HS3ST4: variants seen among roughly 807,000 people sequenced by gnomAD.
The protein encoded by HS3ST4 is heparan sulfate glucosamine 3-O-sulfotransferase 4.
HS3ST4 carries 17 observed loss-of-function variants against 29.2 expected under a neutral mutation model. The observed-to-expected ratio is 0.58, with a 90% CI of 0.40 to 0.87. HS3ST4 has a LOEUF of 0.87. Among genes scored for constraint, HS3ST4 ranks in the 40% least tolerant of loss-of-function variants. The probability of loss-of-function intolerance (pLI) is 0.00; values close to 1 mark genes in which losing one functional copy is unlikely to be tolerated. For synonymous variants in HS3ST4, 314 were observed against 285.7 expected, an observed-to-expected ratio of 1.10 and a Z score of -1.00; for missense variants, 627 against 634.5, an observed-to-expected ratio of 0.99 and a Z score of 0.13.
intron 1 of HS3ST4, among the ~76,000 whole-genome samples, chr16:26,067,955 C>T (rs941065141): frequency 1.3e-5 from 2 of 152,126 alleles, no homozygotes; most frequent in Non-Finnish European, 2.9e-5. Flanking sequence ...CCGTCCCAGC[C>T]GTGTGGAACT....
intron 1 of HS3ST4, among the ~76,000 whole-genome samples, chr16:26,081,838 C>T (rs765642206): frequency 5.3e-5 from 7 of 133,064 alleles, no homozygotes; most frequent in Non-Finnish European, 1.1e-4. Context: ...TCTTGTTGCC[C>T]AGGTTGGAGT....
chr16:25,928,035 C>CAA (rs767016845), intron 1 of HS3ST4, among the ~76,000 whole-genome samples: 4,974 of 50,766 alleles, frequency 0.098, 440 homozygotes, highest in African/African-American at 0.12. Flanking sequence ...CCCATCTCGA[C>CAA]AAAAAAAAAA....
chr16:25,693,756 G>C (rs879305786), intron 1 of HS3ST4, among the ~76,000 whole-genome samples: 4 of 152,174 alleles, frequency 2.6e-5, no homozygotes, highest in African/African-American at 9.6e-5. Flanking sequence ...TGAGCACGGA[G>C]TTGATTTTGC....
chr16:26,029,003 T>C (rs1307032475), intron 1 of HS3ST4: 1 of 152,280 alleles, frequency 6.6e-6, no homozygotes, highest in Non-Finnish European at 1.5e-5. Flanking sequence ...GATGGGAGAA[T>C]ATGGGTTTTG....
At chr16:25,882,770 T>G (rs1041411030) in intron 1 of HS3ST4, among the ~76,000 whole-genome samples, 1 of 152,168 alleles carries the variant, frequency 6.6e-6, no homozygotes, top group Non-Finnish European at 1.5e-5. Flanking sequence ...TCCTCTTTGT[T>G]GAGACATGCT....
At chr16:25,923,388 A>G (rs13335541) in intron 1 of HS3ST4, among the ~76,000 whole-genome samples, 2 of 152,214 alleles carry the variant, frequency 1.3e-5, no homozygotes, top group African/African-American at 4.8e-5. Flanking sequence ...TGGCAAGCTC[A>G]GGGCTTGGCT....
rs1323889925 is a variant in HS3ST4, at chr16:25,871,500, G to A, written c.734+178349G>A. ...GAGGTTGGATGACAGGAGCAAGGAA[G>A]GATAATAAAAAATAATAACATATAT... On this transcript the variant is annotated intron_variant, in intron 1 of 1. Coordinates refer to ENST00000331351, the MANE Select transcript of HS3ST4 (RefSeq NM_006040.3). Among the ~76,000 whole-genome samples the A allele has an allele frequency of 4.6e-5, 7 of 152,156 alleles. No individual in the cohort carries two copies. The South Asian group carries it at 1.2e-3, about 27-fold the overall frequency.
intron 1 of HS3ST4, among the ~76,000 whole-genome samples, chr16:25,967,159 T>G (rs1596629656): frequency 6.6e-6 from 1 of 152,314 alleles, no homozygotes; most frequent in Non-Finnish European, 1.5e-5. Flanking sequence ...TCTTTGTTTT[T>G]TGTTTTTTTG....
At chr16:26,068,524 T>A (rs1898566423) in intron 1 of HS3ST4, among the ~76,000 whole-genome samples, 1 of 152,178 alleles carries the variant, frequency 6.6e-6, no homozygotes, top group Non-Finnish European at 1.5e-5. Flanking sequence ...AATTTGAACC[T>A]AAGCCATCTG....
intron 1 of HS3ST4, among the ~76,000 whole-genome samples, chr16:26,123,072 G>T (rs1899298067): frequency 6.6e-6 from 1 of 151,192 alleles, no homozygotes; most frequent in Non-Finnish European, 1.5e-5. Context: ...AAAAAACCGG[G>T]GGCTTGAACA....
intron 1 of HS3ST4, among the ~76,000 whole-genome samples, chr16:25,860,239 A>G (rs900070042): frequency 6.6e-6 from 1 of 152,100 alleles, no homozygotes; most frequent in Non-Finnish European, 1.5e-5. Context: ...AGCAATAGGA[A>G]CTCTCATTCA....
At chr16:25,895,484 G>A (rs1968052438) in intron 1 of HS3ST4, among the ~76,000 whole-genome samples, 1 of 152,010 alleles carries the variant, frequency 6.6e-6, no homozygotes, top group African/African-American at 2.4e-5. Context: ...GTTGTCAGGG[G>A]CTCGATAAGC....
At chr16:25,927,485 G>T (rs1421712725) in intron 1 of HS3ST4, among the ~76,000 whole-genome samples, 2 of 152,148 alleles carry the variant, frequency 1.3e-5, no homozygotes, top group Admixed American at 6.5e-5. Flanking sequence ...TTCTCTTTCG[G>T]GACTAGGGCT....
rs978329682 is a variant in HS3ST4 at position 25,692,438 on chromosome 16, T to G, written c.21T>G (p.Pro7=). The change falls in exon 1 of 2, where the codon CCT becomes CCG. Residue 7 remains proline, a synonymous_variant. Coordinates refer to ENST00000331351, the MANE Select transcript of HS3ST4 (RefSeq NM_006040.3). The part of the protein sequence containing the change: MARWPA[P]PPPPPPPPPL... ...CCGCGATGGCCCGGTGGCCCGCACC[T>G]CCTCCGCCTCCGCCTCCGCCTCCAC... 2 of 1,198,140 alleles carry G rather than the reference T, an allele frequency of 1.7e-6. No homozygotes were observed. Among genetic ancestry groups the G allele is most frequent in the South Asian group, 5.2e-5 (2 of 38,594 alleles). 74.2% of individuals were successfully genotyped at this position (1,198,140 alleles called of 1,614,324 possible).
At chr16:26,020,819 G>A (rs1322055048) in intron 1 of HS3ST4, among the ~76,000 whole-genome samples, 1 of 152,092 alleles carries the variant, frequency 6.6e-6, no homozygotes, top group Non-Finnish European at 1.5e-5. Context: ...GAGAAGCCCG[G>A]GCTGAGAACA....
intron 1 of HS3ST4, among the ~76,000 whole-genome samples, chr16:26,028,405 G>A (rs1969498874): frequency 6.6e-6 from 1 of 152,126 alleles, no homozygotes; most frequent in Non-Finnish European, 1.5e-5. Flanking sequence ...TCTCTTGTGT[G>A]GGTATGACTA....
Position 26,121,726 on chromosome 16 carries a change from C to A in HS3ST4, c.735-13886C>A, listed in dbSNP as rs546862823. Among the ~76,000 whole-genome samples the A allele has an allele frequency of 2.0e-5, 3 of 152,266 alleles. No homozygotes were observed. In the East Asian group the frequency reaches 5.8e-4, roughly 29 times the overall value. The stretch of plus-strand genomic sequence containing the variant: ...TCAACTGTAAGCACGAGTGCCTGTG[C>A]AGACACACTGAGACCTCCATAATCA... On this transcript the variant is annotated intron_variant, in intron 1 of 1. Coordinates refer to ENST00000331351, the MANE Select transcript of HS3ST4 (RefSeq NM_006040.3).
chr16:25,692,393 CCGCCGCCGCGAGCCGGGAGCCGCGA>C lies in HS3ST4; in HGVS notation c.-24_1del. On this transcript the variant is annotated start_lost and 5_prime_UTR_variant, in exon 1 of 2. Coordinates refer to ENST00000331351, the MANE Select transcript of HS3ST4 (RefSeq NM_006040.3). ...GCGCCGGGGGCTGCCGCCGCCGCCG[CCGCCGCCGCGAGCCGGGAGCCGCGA>C]TGGCCCGGTGGCCCGCACCTCCTCC... 1 of 804,670 alleles carries C rather than the reference CCGCCGCCGCGAGCCGGGAGCCGCGA, an allele frequency of 1.2e-6. No homozygotes were observed. Among genetic ancestry groups the C allele is most frequent in the Non-Finnish European group, 1.5e-6 (1 of 654,018 alleles). The allele number at this position is 804,670 out of a possible 1,614,324, so 49.8% of individuals were successfully genotyped here.
intron 1 of HS3ST4, among the ~76,000 whole-genome samples, chr16:25,921,762 T>C: frequency 6.6e-6 from 1 of 150,406 alleles, no homozygotes; most frequent in South Asian, 2.1e-4. Flanking sequence ...TTTTTTTCTT[T>C]TTTTTTTTTT....
Sources: allele counts gnomAD v4.1 joint callset (sites outside exome capture counted in the v4.1 genomes callset), GRCh38; gene constraint gnomAD v4.1.1; transcripts MANE v1.5; gene names NCBI Gene and HGNC (gene_info 2026-07-23, HGNC 2026-07-21).